Variants in CFAP54 observed in about 807,000 individuals in gnomAD.
The protein encoded by CFAP54 is cilia- and flagella-associated protein 54.
Under a neutral mutation model 370.4 loss-of-function variants are expected in CFAP54, and 290 were observed. The ratio of observed to expected loss-of-function variants is 0.78; its 90% confidence interval spans 0.71 to 0.86. The LOEUF (loss-of-function observed/expected upper bound fraction) is 0.86, where lower values mean the gene tolerates loss of function less well. Among genes scored for constraint, CFAP54 ranks in the 40% least tolerant of loss-of-function variants. The probability of loss-of-function intolerance (pLI) is 0.00; values close to 1 mark genes in which losing one functional copy is unlikely to be tolerated. For missense variants in CFAP54, 3,399 were observed against 3,528.7 expected (o/e 0.96, Z 0.93); for synonymous variants, 1,206 against 1,236.5 (o/e 0.98, Z 0.52).
chr12:96,759,248 G>A (rs970592707), intron 58 of CFAP54, among the ~76,000 whole-genome samples: 40 of 150,054 alleles, frequency 2.7e-4, no homozygotes, highest in African/African-American at 9.1e-4. Flanking sequence ...ACTAGAAAAA[G>A]TTACTTTGTG....
intron 48 of CFAP54, among the ~76,000 whole-genome samples, chr12:96,710,012 T>A (rs1957593408): frequency 6.6e-6 from 1 of 152,172 alleles, no homozygotes; most frequent in Admixed American, 6.5e-5. Context: ...CCACTGCATG[T>A]GGCCAATAAT....
intron 55 of CFAP54, among the ~76,000 whole-genome samples, chr12:96,748,575 T>G (rs1439157358): frequency 6.6e-6 from 1 of 152,198 alleles, no homozygotes; most frequent in Non-Finnish European, 1.5e-5. Context: ...GCAAATACCT[T>G]TCTTGCACTC....
chr12:96,693,729 C>G lies in CFAP54; in HGVS notation c.6272C>G (p.Pro2091Arg). 1 of 1,579,790 alleles carries G rather than the reference C, an allele frequency of 6.3e-7. No homozygotes were observed. The highest frequency in any genetic ancestry group is 1.7e-5 in the Admixed American group (1 of 58,068). Residue 2091 changes from proline (P) to arginine (R), a missense_variant, in exon 45 of 68, where the codon CCT (proline) becomes CGT (arginine). Coordinates refer to ENST00000524981, the MANE Select transcript of CFAP54 (RefSeq NM_001306084.2). Reference protein sequence around the residue: ...HFVRQNLIVLPLLALYQYFVS... With the variant: ...HFVRQNLIVLRLLALYQYFVS... ...GTGTTTTTCTCCTGATAGGTTCTGC[C>G]TCTCCTTGCATTGTATCAATATTTT...
At chr12:96,521,553 T>C (rs933763648) in intron 6 of CFAP54, among the ~76,000 whole-genome samples, 1 of 144,884 alleles carries the variant, frequency 6.9e-6, no homozygotes, top group Non-Finnish European at 1.5e-5. Flanking sequence ...TGTGTGCGCG[T>C]GCGCACATGA....
rs564926136 is a variant in CFAP54, at chr12:96,775,151, C to T, written c.8282-9566C>T. On this transcript the variant is annotated intron_variant, in intron 60 of 67. Coordinates refer to ENST00000524981, the MANE Select transcript of CFAP54 (RefSeq NM_001306084.2). The stretch of plus-strand genomic sequence containing the variant: ...GTTCCATTAAAACTTTACTGTGGGC[C>T]GGGCGCGGTGACTCACGCCTGTAAT... Among the ~76,000 whole-genome samples the T allele has an allele frequency of 5.3e-5, 8 of 152,134 alleles. No homozygotes were observed. In the East Asian group the frequency reaches 1.2e-3, roughly 22 times the overall value.
chr12:96,637,189 G>A (rs910452922), intron 32 of CFAP54, among the ~76,000 whole-genome samples: 2 of 152,074 alleles, frequency 1.3e-5, no homozygotes, highest in Middle Eastern at 3.4e-3. Context: ...ACTTAGCATC[G>A]TGTTTTCCAG....
rs1956599438 is a variant in CFAP54 at position 96,630,768 on chromosome 12, A to G, written c.4316+117A>G. 1.2e-5 allele frequency: 6 copies of G among 482,870 alleles called. No homozygotes were observed. The South Asian group carries it at 2.3e-4, about 18-fold the overall frequency. The allele number at this position is 482,870 out of a possible 1,614,324, so 29.9% of individuals were successfully genotyped here. A position where few individuals can be genotyped will look rare whatever the true frequency, so the allele number is the denominator to read the frequency against. ...CAGACAGGTGAAATCACTGCCTTCAAGGAACTTACATACTAATGAAAAAAG... is the reference window on the plus strand; with the variant it reads ...CAGACAGGTGAAATCACTGCCTTCAGGGAACTTACATACTAATGAAAAAAG... On this transcript the variant is annotated intron_variant, in intron 32 of 67. Coordinates refer to ENST00000524981, the MANE Select transcript of CFAP54 (RefSeq NM_001306084.2).
At chr12:96,874,625 TTATTTTA>T (rs1392114516) in intron 67 of CFAP54, among the ~76,000 whole-genome samples, 2,856 of 15,584 alleles carry the variant, frequency 0.18, 984 homozygotes, top group East Asian at 0.43. Flanking sequence ...TTTTTTATTT[TTATTTTA>T]TTTTTTTTTT....
intron 1 of CFAP54, among the ~76,000 whole-genome samples, chr12:96,494,216 A>C (rs1204645720): frequency 6.6e-6 from 1 of 152,134 alleles, no homozygotes; most frequent in Non-Finnish European, 1.5e-5. Context: ...GATTTAGGGG[A>C]ATAATAGGAC....
chr12:96,666,211 C>CT (rs1269662795), intron 39 of CFAP54, among the ~76,000 whole-genome samples: 2 of 152,084 alleles, frequency 1.3e-5, no homozygotes, highest in African/African-American at 4.8e-5. Context: ...TTTATGAATG[C>CT]TTTTGGTATT....
chr12:96,815,787 C>T (rs921388158), intron 64 of CFAP54, among the ~76,000 whole-genome samples: 1 of 152,180 alleles, frequency 6.6e-6, no homozygotes, highest in African/African-American at 2.4e-5. Context: ...TATAGCTAGC[C>T]AGTTTTCCCA....
chr12:96,628,277 A>G (rs980591864), intron 30 of CFAP54, among the ~76,000 whole-genome samples: 32 of 152,354 alleles, frequency 2.1e-4, no homozygotes, highest in Admixed American at 9.2e-4. Context: ...AAATTTTAAA[A>G]TACTATTTAT....
intron 17 of CFAP54, among the ~76,000 whole-genome samples, chr12:96,562,368 T>C (rs1393074660): frequency 6.6e-6 from 1 of 152,056 alleles, no homozygotes; most frequent in Non-Finnish European, 1.5e-5. Flanking sequence ...ACTTGAATTC[T>C]ATTTTTAATT....
chr12:96,538,873 C>T (rs1955538273), intron 13 of CFAP54, among the ~76,000 whole-genome samples: 2 of 151,714 alleles, frequency 1.3e-5, no homozygotes. Flanking sequence ...ACAGCTCAGC[C>T]TCCCTAGTAG....
intron 52 of CFAP54, among the ~76,000 whole-genome samples, chr12:96,742,794 A>G (rs1958067299): frequency 6.6e-6 from 1 of 152,200 alleles, no homozygotes; most frequent in Non-Finnish European, 1.5e-5. Flanking sequence ...TTACTAATGT[A>G]TGCAAAACAG....
chr12:96,775,955 A>G lies in CFAP54; in HGVS notation c.8282-8762A>G, dbSNP rs187754234. On this transcript the variant is annotated intron_variant, in intron 60 of 67. Coordinates refer to ENST00000524981, the MANE Select transcript of CFAP54 (RefSeq NM_001306084.2). ...GGCATAGAGTTGGGTTTTCTTTGTT[A>G]TAAGACCTGATAGTATTTTTCTTGT... Among the ~76,000 whole-genome samples, 270 of 152,292 alleles carry G rather than the reference A, an allele frequency of 1.8e-3. 2 individuals carry two copies. The highest frequency in any genetic ancestry group is 3.5e-3 in the African/African-American group (145 of 41,576).
At chr12:96,744,682 AT>A (rs969404095) in intron 55 of CFAP54, among the ~76,000 whole-genome samples, 14 of 152,120 alleles carry the variant, frequency 9.2e-5, no homozygotes, top group Non-Finnish European at 2.1e-4. Context: ...AAAATAGTTT[AT>A]TTTTTATTAT....
intron 64 of CFAP54, among the ~76,000 whole-genome samples, chr12:96,814,541 TG>T (rs1251406681): frequency 6.6e-6 from 1 of 152,248 alleles, no homozygotes; most frequent in African/African-American, 2.4e-5. Context: ...GATGACCTAT[TG>T]TTTTTTAAGT....
chr12:96,668,559 C>T (rs1014007093), intron 39 of CFAP54, among the ~76,000 whole-genome samples: 2 of 152,166 alleles, frequency 1.3e-5, no homozygotes, highest in African/African-American at 2.4e-5. Flanking sequence ...AACCAACCCC[C>T]ATGATTCAAT....
Sources: allele counts gnomAD v4.1 joint callset (sites outside exome capture counted in the v4.1 genomes callset), GRCh38; gene constraint gnomAD v4.1.1; transcripts MANE v1.5; gene names NCBI Gene and HGNC (gene_info 2026-07-23, HGNC 2026-07-21).